PLA1A: variants seen among roughly 807,000 people sequenced by gnomAD.
PLA1A encodes the protein phospholipase A1 member A.
A neutral mutation model predicts 49.4 loss-of-function variants in PLA1A; 47 were observed. The observed-to-expected ratio is 0.95, with a 90% CI of 0.75 to 1.21. The LOEUF (loss-of-function observed/expected upper bound fraction) is 1.21. Ranked by LOEUF, PLA1A falls within the 50% of genes most tolerant of loss-of-function variation. PLA1A has a pLI of 0.00. For synonymous variants in PLA1A, 224 were observed against 207.9 expected (o/e 1.08, Z -0.67); for missense variants, 561 against 563.9 (o/e 0.99, Z 0.05).
At chr3:119,606,647 C>T in intron 1 of PLA1A, 127 bp from the exon 2 acceptor site, 2 of 635,910 alleles carry the variant, frequency 3.1e-6, no homozygotes, top group South Asian at 3.8e-5. Flanking sequence ...ATTGCACTAG[C>T]TGATGTATAA....
In PLA1A at chr3:119,606,789, C is replaced by T. The variant is rs751414019; in HGVS notation, c.89C>T (p.Thr30Ile). ...SVGSSGDAPP[T>I]PQPKCADFQS... ...TTTCCTCCAGGGGATGCACCTCCTA[C>T]CCCACAGCCAAAGTGCGCTGACTTC... The change falls in exon 2 of 11, where the codon ACC becomes ATC. Residue 30 changes from threonine (T) to isoleucine (I), a missense_variant. Coordinates refer to ENST00000273371, the MANE Select transcript of PLA1A (RefSeq NM_015900.4). 2.5e-6 allele frequency: 4 copies of T among 1,613,998 alleles called. No homozygotes were observed. In the East Asian group the frequency reaches 8.9e-5, roughly 36 times the overall value.
chr3:119,600,203 C>T, intron 1 of PLA1A: 1 of 576,862 alleles, frequency 1.7e-6, no homozygotes, highest in Non-Finnish European at 3.1e-6. Flanking sequence ...CCCACATGGG[C>T]CTCTTGGAAG....
chr3:119,608,242 G>GGAAAGAA (rs2082716995), intron 2 of PLA1A, among the ~76,000 whole-genome samples: 2 of 123,730 alleles, frequency 1.6e-5, no homozygotes, highest in East Asian at 4.9e-4. Context: ...GAAAGAAAGA[G>GGAAAGAA]AGAAAGAAAG....
intron 8 of PLA1A, among the ~76,000 whole-genome samples, chr3:119,621,983 C>G (rs1486766818): frequency 6.6e-6 from 1 of 152,008 alleles, no homozygotes; most frequent in Admixed American, 6.6e-5. Context: ...CTTCGGGAGG[C>G]TGAGGTGGGA....
At chr3:119,607,398 A>T (rs114645440) in intron 2 of PLA1A, among the ~76,000 whole-genome samples, 68 of 151,988 alleles carry the variant, frequency 4.5e-4, no homozygotes, top group Middle Eastern at 3.4e-3. Flanking sequence ...TTTCTCTGAT[A>T]CTCTCCAGTC....
intron 4 of PLA1A, among the ~76,000 whole-genome samples, chr3:119,610,541 A>G (rs1274145761): frequency 6.6e-6 from 1 of 152,028 alleles, no homozygotes; most frequent in Non-Finnish European, 1.5e-5. Flanking sequence ...GTGAGATGGT[A>G]TATCATGGTG....
At chr3:119,626,148 A>T (rs1349203483) in intron 9 of PLA1A, among the ~76,000 whole-genome samples, 1 of 152,142 alleles carries the variant, frequency 6.6e-6, no homozygotes, top group African/African-American at 2.4e-5. Context: ...ACAAAGCAGG[A>T]GTGGAGTTGG....
chr3:119,599,167 C>A (rs943761457), intron 1 of PLA1A, among the ~76,000 whole-genome samples: 9 of 152,142 alleles, frequency 5.9e-5, no homozygotes, highest in Non-Finnish European at 1.2e-4. Flanking sequence ...GCTATGTGAC[C>A]TTGAGGAAGT....
At chr3:119,613,842 G>A (rs547180269) in intron 5 of PLA1A, among the ~76,000 whole-genome samples, 3 of 151,266 alleles carry the variant, frequency 2.0e-5, no homozygotes, top group East Asian at 3.9e-4. Flanking sequence ...GCAGGGAGCC[G>A]ACATCGCGCT....
In PLA1A at chr3:119,618,124, C is replaced by A. The variant is rs1560084450; in HGVS notation, c.860C>A (p.Ala287Asp). 1 of 1,614,142 alleles carries A rather than the reference C, an allele frequency of 6.2e-7. No homozygotes were observed. The highest frequency in any genetic ancestry group is 8.5e-7 in the Non-Finnish European group (1 of 1,179,970). The change falls in exon 7 of 11, where the codon GCC becomes GAC. Residue 287 changes from alanine to aspartate, a missense_variant. Transcript: ENST00000273371. Reference sequence around the variant, plus strand: ...GCCTTTCCCTGTGCCAGCTACAAGGCCTTCCTTGCTGGACGCTGTCTGGAT... The same window carrying A: ...GCCTTTCCCTGTGCCAGCTACAAGGACTTCCTTGCTGGACGCTGTCTGGAT... The part of the protein sequence containing the change: ...LMAFPCASYK[A>D]FLAGRCLDCF...
At chr3:119,628,378 T>G (rs1289122700) in intron 9 of PLA1A, among the ~76,000 whole-genome samples, 3 of 152,232 alleles carry the variant, frequency 2.0e-5, no homozygotes, top group Non-Finnish European at 4.4e-5. Context: ...GGTAATTAGA[T>G]CTGAAGGTGA....
intron 9 of PLA1A, among the ~76,000 whole-genome samples, chr3:119,627,052 C>T (rs2052549095): frequency 6.6e-6 from 1 of 152,106 alleles, no homozygotes. Context: ...CCAAGCCCCC[C>T]AACCCAGACC....
At chr3:119,614,979 G>C (rs970226394) in intron 5 of PLA1A, among the ~76,000 whole-genome samples, 28 of 152,280 alleles carry the variant, frequency 1.8e-4, no homozygotes, top group Non-Finnish European at 3.8e-4. Flanking sequence ...TAAAGACAGA[G>C]AGAAGTAGAC....
intron 4 of PLA1A, among the ~76,000 whole-genome samples, chr3:119,610,669 T>TC: frequency 6.6e-6 from 1 of 152,296 alleles, no homozygotes; most frequent in Non-Finnish European, 1.5e-5. Flanking sequence ...TTTGTTTTTT[T>TC]CTTGTTGATT....
chr3:119,602,876 C>T (rs1348228354), intron 1 of PLA1A, among the ~76,000 whole-genome samples: 1 of 151,990 alleles, frequency 6.6e-6, no homozygotes, highest in African/African-American at 2.4e-5. Flanking sequence ...GAGCACTTGA[C>T]AAGCAAAGAC....
intron 3 of PLA1A, 134 bp downstream of exon 3, chr3:119,609,081 C>G: frequency 1.5e-6 from 1 of 685,722 alleles, no homozygotes; most frequent in Non-Finnish European, 2.5e-6. Context: ...GGGTTCAAAT[C>G]TTGACTTTGC....
intron 6 of PLA1A, 122 bp downstream of exon 6, chr3:119,616,223 G>T: frequency 1.4e-6 from 1 of 692,792 alleles, no homozygotes. Context: ...CCTTTGCTAT[G>T]TCCCATAACG....
chr3:119,600,328 A>G (rs1181395896), intron 1 of PLA1A: 1 of 700,272 alleles, frequency 1.4e-6, no homozygotes, highest in East Asian at 2.7e-5. Context: ...CTCCTTGATC[A>G]ACCTGGCCCT....
At position 119,608,819 on chromosome 3, in the gene PLA1A, C is replaced by T; in HGVS notation, c.325C>T (p.Leu109=). 1 of 1,613,822 alleles carries T rather than the reference C, an allele frequency of 6.2e-7. No homozygotes were observed. Among genetic ancestry groups the T allele is most frequent in the East Asian group, 2.2e-5 (1 of 44,886 alleles). The change falls in exon 3 of 11, where the codon CTG becomes TTG. Residue 109 remains leucine (L), a synonymous_variant. Transcript: ENST00000273371. ...SWIDTFIRTL[L]RATNANVIAV... The stretch of plus-strand genomic sequence containing the variant: ...GATTGACACATTTATTAGAACCCTT[C>T]TGCGTGCAACGAATGCTAATGTGAT...
Sources: allele counts gnomAD v4.1 joint callset (sites outside exome capture counted in the v4.1 genomes callset), GRCh38; gene constraint gnomAD v4.1.1; transcripts MANE v1.5; gene names NCBI Gene and HGNC (gene_info 2026-07-23, HGNC 2026-07-21).